Variants in GPRASP3 observed in about 807,000 individuals in gnomAD.
The protein encoded by GPRASP3 is G protein-coupled receptor associated sorting protein family member 3.
chrX:102,725,793 C>T, the GPRASP3 span, among the ~76,000 whole-genome samples: 15 of 112,588 alleles, frequency 1.3e-4, no homozygotes, highest in Admixed American at 1.3e-3. Flanking sequence ...GTGATCCACC[C>T]GCCTCGGCCA....
At chrX:102,733,931 G>A in the GPRASP3 span, among the ~76,000 whole-genome samples, 1 of 109,439 alleles carries the variant, frequency 9.1e-6, no homozygotes, top group Admixed American at 9.9e-5. Flanking sequence ...TAGGATTTGG[G>A]TAGGTAAAGG....
the GPRASP3 span, chrX:102,752,149 A>T: frequency 8.2e-6 from 1 of 122,554 alleles, no homozygotes; most frequent in African/African-American, 3.3e-5. Context: ...AAGCTAGAAG[A>T]GGTTGCTGTG....
the GPRASP3 span, among the ~76,000 whole-genome samples, chrX:102,721,253 A>C: frequency 1.8e-5 from 2 of 111,200 alleles, no homozygotes; most frequent in Non-Finnish European, 3.8e-5. Flanking sequence ...GAAATGGTGA[A>C]GTGACAATTC....
the GPRASP3 span, among the ~76,000 whole-genome samples, chrX:102,737,352 G>C: frequency 5.3e-5 from 6 of 112,172 alleles, no homozygotes; most frequent in African/African-American, 1.9e-4. Flanking sequence ...CTTAACTAAG[G>C]TTATGACTTA....
the GPRASP3 span, among the ~76,000 whole-genome samples, chrX:102,731,694 G>A: frequency 1.1e-4 from 12 of 111,209 alleles, no homozygotes; most frequent in African/African-American, 3.3e-4. Flanking sequence ...AGACCCAAGC[G>A]TGCAACTTGA....
At chrX:102,750,128 C>T in the GPRASP3 span, 9 of 1,210,739 alleles carry the variant, frequency 7.4e-6, no homozygotes, top group Non-Finnish European at 1.0e-5. Context: ...AGTTTTCCTT[C>T]CCCTGAAATG....
chrX:102,740,142 A>G, the GPRASP3 span, among the ~76,000 whole-genome samples: 4 of 112,083 alleles, frequency 3.6e-5, no homozygotes, highest in African/African-American at 1.3e-4. Context: ...CACCACTCTC[A>G]TAAGCCTCCT....
At chrX:102,749,140 G>A in the GPRASP3 span, 2 of 1,212,242 alleles carry the variant, frequency 1.6e-6, no homozygotes, top group Non-Finnish European at 2.2e-6. Flanking sequence ...AGCCAAGACA[G>A]GGTCTAAGAC....
the GPRASP3 span, among the ~76,000 whole-genome samples, chrX:102,725,876 T>A: frequency 9.1e-6 from 1 of 110,394 alleles, no homozygotes; most frequent in African/African-American, 3.4e-5. Context: ...TGCATCAGAG[T>A]CTTTTTATTT....
the GPRASP3 span, among the ~76,000 whole-genome samples, chrX:102,747,312 T>A: frequency 2.7e-5 from 3 of 112,281 alleles, no homozygotes; most frequent in African/African-American, 9.7e-5. Flanking sequence ...TAACATAGTC[T>A]CTTGGGGTTA....
chrX:102,734,614 C>T, the GPRASP3 span, among the ~76,000 whole-genome samples: 1 of 110,777 alleles, frequency 9.0e-6, no homozygotes, highest in African/African-American at 3.3e-5. Context: ...GAGACTCTGT[C>T]TCAAAAAAAT....
the GPRASP3 span, among the ~76,000 whole-genome samples, chrX:102,737,378 C>T: frequency 8.9e-6 from 1 of 112,153 alleles, no homozygotes; most frequent in Admixed American, 9.4e-5. Flanking sequence ...GAGTGTATGA[C>T]GTATGTTCAA....
the GPRASP3 span, chrX:102,751,112 T>G: frequency 8.0e-6 from 1 of 124,925 alleles, no homozygotes; most frequent in African/African-American, 3.2e-5. Context: ...GGCTATTTAA[T>G]GTAAGAGAAA....
chrX:102,748,795 G>A, the GPRASP3 span: 1 of 384,991 alleles, frequency 2.6e-6, no homozygotes, highest in Non-Finnish European at 4.5e-6. Flanking sequence ...CCCCCAGCCC[G>A]AGCGTGCCTC....
the GPRASP3 span, among the ~76,000 whole-genome samples, chrX:102,729,716 A>G: frequency 8.9e-6 from 1 of 112,036 alleles, no homozygotes; most frequent in Admixed American, 9.4e-5. Flanking sequence ...CTAAAAGTAC[A>G]AAAATTAGCT....
At chrX:102,731,527 G>A in the GPRASP3 span, among the ~76,000 whole-genome samples, 2 of 110,948 alleles carry the variant, frequency 1.8e-5, no homozygotes, top group Non-Finnish European at 3.8e-5. Flanking sequence ...CTACTCAGGA[G>A]GCTGAGGCAG....
chrX:102,752,247 C>G, the GPRASP3 span: 1 of 123,056 alleles, frequency 8.1e-6, no homozygotes, highest in Non-Finnish European at 1.9e-5. Context: ...TTCTCTAAGA[C>G]TCAGGGTGGG....
the GPRASP3 span, among the ~76,000 whole-genome samples, chrX:102,733,589 CAAAAG>C: frequency 6.5e-5 from 7 of 108,107 alleles, no homozygotes; most frequent in African/African-American, 2.4e-4. Context: ...GTAAATAACT[CAAAAG>C]AAAAGTTTTC....
the GPRASP3 span, among the ~76,000 whole-genome samples, chrX:102,743,522 G>A: frequency 1.8e-5 from 2 of 110,810 alleles, no homozygotes; most frequent in African/African-American, 3.3e-5. Context: ...TTATGTAACC[G>A]CCCGATGGGT....
Sources: gnomAD v4.1 joint callset for allele counts (sites outside exome capture counted in the v4.1 genomes callset) on GRCh38, gnomAD v4.1.1 for gene constraint, MANE v1.5 for transcripts, NCBI Gene and HGNC (gene_info 2026-07-23, HGNC 2026-07-21) for gene names.